Variants in DENND1B observed in about 807,000 individuals in gnomAD.
DENND1B encodes the protein DENN domain-containing protein 1B.
A neutral mutation model predicts 90.1 loss-of-function variants in DENND1B; 59 were observed. The ratio of observed to expected loss-of-function variants is 0.65; its 90% confidence interval spans 0.53 to 0.81. DENND1B has a LOEUF of 0.81. Ranked by LOEUF, DENND1B falls within the 40% of genes least tolerant of loss-of-function variation. DENND1B has a pLI of 0.00. For synonymous variants in DENND1B, 337 were observed against 324.6 expected (o/e 1.04, Z -0.41); for missense variants, 862 against 912.6 (o/e 0.94, Z 0.71).
chr1:197,707,810 G>T (rs1219850900), intron 3 of DENND1B, among the ~76,000 whole-genome samples: 1 of 147,470 alleles, frequency 6.8e-6, no homozygotes, highest in East Asian at 2.0e-4. Flanking sequence ...ATTTCCATCT[G>T]AGGTACCGGG....
intron 2 of DENND1B, among the ~76,000 whole-genome samples, chr1:197,760,246 G>A (rs1315871794): frequency 6.6e-6 from 1 of 152,072 alleles, no homozygotes; most frequent in Admixed American, 6.6e-5. Context: ...AGTGATGCAA[G>A]GTTTCAGGTA....
chr1:197,769,743 C>G (rs1168194498), intron 2 of DENND1B, among the ~76,000 whole-genome samples: 1 of 151,970 alleles, frequency 6.6e-6, no homozygotes, highest in African/African-American at 2.4e-5. Context: ...CACCCATGAT[C>G]ATTTAATGTT....
At chr1:197,777,549 T>C (rs560552926), upstream of DENND1B, among the ~76,000 whole-genome samples, 1 of 152,318 alleles carries the variant, frequency 6.6e-6, no homozygotes, top group African/African-American at 2.4e-5. Flanking sequence ...ACCTTGGTAA[T>C]AGCTTTAATG....
At chr1:197,778,142 A>G (rs1657345088), upstream of DENND1B, among the ~76,000 whole-genome samples, 1 of 152,172 alleles carries the variant, frequency 6.6e-6, no homozygotes, top group Non-Finnish European at 1.5e-5. Flanking sequence ...ACAACCATTC[A>G]TCATTATGTT....
intron 3 of DENND1B, among the ~76,000 whole-genome samples, chr1:197,705,878 T>G (rs925435410): frequency 3.3e-5 from 5 of 152,078 alleles, no homozygotes; most frequent in Non-Finnish European, 7.4e-5. Flanking sequence ...TATTTATAAA[T>G]CTAAAAAGCT....
intron 18 of DENND1B, among the ~76,000 whole-genome samples, chr1:197,542,683 T>C (rs1670422101): frequency 6.6e-6 from 1 of 152,146 alleles, no homozygotes; most frequent in South Asian, 2.1e-4. Flanking sequence ...CATAGCAATT[T>C]GTGGTCAAAG....
intron 18 of DENND1B, among the ~76,000 whole-genome samples, chr1:197,544,705 TGAAGAG>T (rs138522538): frequency 0.19 from 23,690 of 127,004 alleles, 2,519 homozygotes; most frequent in Middle Eastern, 0.39. Context: ...AAGATGAAGA[TGAAGAG>T]GAAGAGGAAG....
chr1:197,559,055 A>G (rs1671944525), intron 15 of DENND1B, among the ~76,000 whole-genome samples: 1 of 151,972 alleles, frequency 6.6e-6, no homozygotes, highest in African/African-American at 2.4e-5. Flanking sequence ...GTAGGAATGT[A>G]TATGTCCTCT....
chr1:197,781,946 C>A, the DENND1B span, among the ~76,000 whole-genome samples: 1 of 152,062 alleles, frequency 6.6e-6, no homozygotes, highest in Admixed American at 6.6e-5. Context: ...CTTCTTCTGC[C>A]TTTTTCAGGT....
At chr1:197,634,386 C>T (rs888002675) in intron 10 of DENND1B, among the ~76,000 whole-genome samples, 1 of 152,130 alleles carries the variant, frequency 6.6e-6, no homozygotes, top group Admixed American at 6.6e-5. Context: ...CACTGCCTGG[C>T]ATGAGTTAAG....
intron 14 of DENND1B, among the ~76,000 whole-genome samples, chr1:197,588,513 C>G (rs1041789028): frequency 6.6e-6 from 1 of 152,020 alleles, no homozygotes; most frequent in African/African-American, 2.4e-5. Flanking sequence ...TCCAAAACAT[C>G]AACATTATAC....
chr1:197,517,789 GATGTTTGCTCCAC>G (rs1436744543), intron 20 of DENND1B, among the ~76,000 whole-genome samples: 1 of 151,844 alleles, frequency 6.6e-6, no homozygotes, highest in Non-Finnish European at 1.5e-5. Flanking sequence ...CTGCCATAAA[GATGTTTGCTCCAC>G]ACTACTAAAC....
chr1:197,726,627 GC>G (rs1241042654), intron 2 of DENND1B, among the ~76,000 whole-genome samples: 2 of 152,286 alleles, frequency 1.3e-5, no homozygotes, highest in Admixed American at 6.5e-5. Flanking sequence ...AAGAGCAAAG[GC>G]ATGAAGCATA....
intron 15 of DENND1B, 74 bp from the exon 16 acceptor site, chr1:197,553,186 T>C: frequency 8.0e-7 from 1 of 1,245,970 alleles, no homozygotes; most frequent in South Asian, 1.8e-5. Flanking sequence ...TTTCATTTTA[T>C]AAGGTTAGAT....
rs557946564 is a variant in DENND1B, at chr1:197,536,582, A to G, written c.1515+3382T>C. 3.9e-5 allele frequency among the ~76,000 whole-genome samples: 6 copies of G among 152,308 alleles called. No homozygotes were observed. The South Asian group carries it at 1.2e-3, about 32-fold the overall frequency. On this transcript the variant is annotated intron_variant, in intron 20 of 22. Transcript: ENST00000620048. ...AAAATTAAGGGTGAAATGTAGCAGA[A>G]AACAATTGCTAGAGGGCCCAAAATT...
rs1215184814 is a variant in DENND1B at position 197,775,213 on chromosome 1, G to A, written c.-58C>T. ...CCCCCGCGCGCTGGCCTGGAAGCCC[G>A]CAGCCCGGCCGCGCGAGGGTCGCGC... On this transcript the variant is annotated 5_prime_UTR_variant, in exon 1 of 23. Transcript: ENST00000620048. The A allele has an allele frequency of 8.1e-7, 1 of 1,232,706 alleles. No homozygotes were observed. Among genetic ancestry groups the A allele is most frequent in the Non-Finnish European group, 1.0e-6 (1 of 980,130 alleles). The allele number at this position is 1,232,706 out of a possible 1,614,324, so 76.4% of individuals were successfully genotyped here.
At chr1:197,644,433 GT>G (rs1352240014) in intron 9 of DENND1B, among the ~76,000 whole-genome samples, 7 of 152,102 alleles carry the variant, frequency 4.6e-5, no homozygotes. Flanking sequence ...GTTATTAGTT[GT>G]TTGTTAGTAA....
rs1657290151 is a variant in DENND1B, at chr1:197,686,817, T to C, written c.127-12648A>G. On this transcript the variant is annotated intron_variant, in intron 3 of 22. Transcript: ENST00000620048. ...ATATTGGTGTTCCCTCTGGACTCTG[T>C]ATTCAGCTCTTACCTTTCCATGGGG... 2.0e-5 allele frequency among the ~76,000 whole-genome samples: 3 copies of C among 152,068 alleles called. No individual in the cohort carries two copies. The South Asian group carries it at 6.2e-4, about 32-fold the overall frequency.
At chr1:197,657,223 C>CA (rs772183982) in intron 6 of DENND1B, among the ~76,000 whole-genome samples, 2 of 152,086 alleles carry the variant, frequency 1.3e-5, no homozygotes, top group South Asian at 2.1e-4. Flanking sequence ...GATTCAACAA[C>CA]AAAAAACGCA....
Sources: allele counts gnomAD v4.1 joint callset (sites outside exome capture counted in the v4.1 genomes callset), GRCh38; gene constraint gnomAD v4.1.1; transcripts MANE v1.5; gene names NCBI Gene and HGNC (gene_info 2026-07-23, HGNC 2026-07-21).